Variants in MIEF1 observed in about 807,000 individuals in gnomAD.
The protein encoded by MIEF1 is mitochondrial elongation factor 1, also known as mitochondrial dynamics protein MIEF1.
MIEF1 carries 14 observed loss-of-function variants against 35.1 expected under a neutral mutation model. The observed-to-expected ratio is 0.40, with a 90% confidence interval of 0.26 to 0.62. The LOEUF (loss-of-function observed/expected upper bound fraction) is 0.62, where lower values mean the gene tolerates loss of function less well. MIEF1 is among the 20% of genes least tolerant of loss of function. The pLI is 0.43. For synonymous variants in MIEF1, 245 were observed against 254.3 expected, an observed-to-expected ratio of 0.96 and a Z score of 0.35; for missense variants, 542 against 615.4, an observed-to-expected ratio of 0.88 and a Z score of 1.26.
In MIEF1 at chr22:39,515,046, A is replaced by G. The variant is rs1930585942; in HGVS notation, c.*723A>G. 1.8e-6 allele frequency: 1 copy of G among 568,754 alleles called. No homozygotes were observed. Among genetic ancestry groups the G allele is most frequent in the Non-Finnish European group, 3.1e-6 (1 of 321,588 alleles). The allele number at this position is 568,754 out of a possible 1,614,324, so 35.2% of individuals were successfully genotyped here. A position where few individuals can be genotyped will look rare whatever the true frequency, so the allele number is the denominator to read the frequency against. ...TTGCAGGTTGAATTTCTTGGTGGCT[A>G]TTAGCAGAAGTGCAGAGTAGGGAAC... On this transcript the variant is annotated 3_prime_UTR_variant, in exon 6 of 6. Transcript: ENST00000325301.
At chr22:39,510,707 G>A (rs372757421) in intron 2 of MIEF1, among the ~76,000 whole-genome samples, 1 of 152,220 alleles carries the variant, frequency 6.6e-6, no homozygotes, top group Non-Finnish European at 1.5e-5. Flanking sequence ...AAAGGACGAA[G>A]AAATGACCTG....
chr22:39,515,520 G>A lies in MIEF1; in HGVS notation c.*1197G>A, dbSNP rs1930615986. 1 of 601,664 alleles carries A rather than the reference G, an allele frequency of 1.7e-6. No individual in the cohort carries two copies. The highest frequency in any genetic ancestry group is 2.0e-5 in the South Asian group (1 of 49,456). The allele number at this position is 601,664 out of a possible 1,614,324, so 37.3% of individuals were successfully genotyped here. ...TGCACGGACCTCTTCCCCCTGTCCT[G>A]TTTCTCACCCAGCACCTGGGGAGAT... is the stretch of plus-strand genomic sequence containing the variant. On this transcript the variant is annotated 3_prime_UTR_variant, in exon 6 of 6. Coordinates refer to ENST00000325301, the MANE Select transcript of MIEF1 (RefSeq NM_019008.6).
At chr22:39,511,209 T>G (rs902598481) in intron 2 of MIEF1, 79 bp from the exon 3 acceptor site, 1 of 1,584,732 alleles carries the variant, frequency 6.3e-7, no homozygotes, top group Admixed American at 1.8e-5. Context: ...TACCCTGTAC[T>G]TGTTGGGGTT....
Position 39,515,129 on chromosome 22 carries a change from G to A in MIEF1, c.*806G>A, listed in dbSNP as rs1448525721. 1.6e-6 allele frequency: 1 copy of A among 629,808 alleles called. No homozygotes were observed. The highest frequency in any genetic ancestry group is 2.9e-6 in the Non-Finnish European group (1 of 343,424). 39.0% of individuals were successfully genotyped at this position (629,808 alleles called of 1,614,324 possible). A position where few individuals can be genotyped will look rare whatever the true frequency, so the allele number is the denominator to read the frequency against. On this transcript the variant is annotated 3_prime_UTR_variant, in exon 6 of 6. Coordinates refer to ENST00000325301, the MANE Select transcript of MIEF1 (RefSeq NM_019008.6). ...TGTGCCCAGTGTCTGCTCGTCATCT[G>A]TGGCTGCAGGGGTCAGACAGACAAG... is the stretch of plus-strand genomic sequence containing the variant.
Position 39,514,034 on chromosome 22 carries a change from A to C in MIEF1, c.1103A>C (p.Lys368Thr). 6.2e-7 allele frequency: 1 copy of C among 1,613,816 alleles called. No individual in the cohort carries two copies. The highest frequency in any genetic ancestry group is 8.5e-7 in the Non-Finnish European group (1 of 1,180,034). The part of the protein sequence containing the change: ...GCRSLCLKIL[K>T]AICKSTPALG... ...CGATCTCTGTGCCTCAAGATCCTCAAGGCCATATGCAAGTCCACCCCGGCT... is the reference window on the plus strand; with the variant it reads ...CGATCTCTGTGCCTCAAGATCCTCACGGCCATATGCAAGTCCACCCCGGCT... Residue 368 changes from lysine to threonine, a missense_variant, in exon 6 of 6, where the codon AAG (lysine) becomes ACG (threonine). Physicochemically the swap from Lys to Thr is moderately conservative, Grantham distance 78 (BLOSUM62 -1). Transcript: ENST00000325301.
At chr22:39,506,270 A>G (rs541800273) in intron 2 of MIEF1, among the ~76,000 whole-genome samples, 95 of 152,286 alleles carry the variant, frequency 6.2e-4, no homozygotes, top group African/African-American at 2.1e-3. Flanking sequence ...GCAGCAGTGA[A>G]TGAGCCCAAA....
At position 39,513,720 on chromosome 22, in the gene MIEF1, A is replaced by T. The variant is rs1945935168; in HGVS notation, c.789A>T (p.Ala263=). 6.2e-7 allele frequency: 1 copy of T among 1,614,048 alleles called. No individual in the cohort carries two copies. The highest frequency in any genetic ancestry group is 1.7e-5 in the Admixed American group (1 of 60,008). ...VGGYLSPKTV[A]DTFEKVVAGS... is the part of the protein sequence containing the mutation. Reference sequence around the variant, plus strand: ...GCTACCTCTCTCCAAAGACAGTCGCAGATACATTTGAGAAGGTAGTGGCTG... The same window carrying T: ...GCTACCTCTCTCCAAAGACAGTCGCTGATACATTTGAGAAGGTAGTGGCTG... The change falls in exon 6 of 6, where the codon GCA becomes GCT. Residue 263 remains alanine (A), a synonymous_variant. Transcript: ENST00000325301.
In MIEF1 at chr22:39,511,522, G is replaced by A. The variant is rs547455274; in HGVS notation, c.144+84G>A. On this transcript the variant is annotated intron_variant, in intron 3 of 5. Coordinates refer to ENST00000325301, the MANE Select transcript of MIEF1 (RefSeq NM_019008.6). ...TGTTTTATAGAAAGAAAATGTCGAA[G>A]CGTTCTAGGAGGAAATGATCGCAAT... 158 of 1,445,444 alleles carry A rather than the reference G, an allele frequency of 1.1e-4. No individual in the cohort carries two copies. In the East Asian group the frequency reaches 3.9e-3, roughly 36 times the overall value. 89.5% of individuals were successfully genotyped at this position (1,445,444 alleles called of 1,614,324 possible).
chr22:39,510,341 C>T (rs1279938350), intron 2 of MIEF1, among the ~76,000 whole-genome samples: 3 of 152,146 alleles, frequency 2.0e-5, no homozygotes, highest in Non-Finnish European at 4.4e-5. Context: ...GATCATAGCT[C>T]ACTGTAGCCT....
intron 4 of MIEF1, 44 bp from the exon 5 acceptor site, chr22:39,512,188 A>G: frequency 6.3e-7 from 1 of 1,592,708 alleles, no homozygotes; most frequent in Non-Finnish European, 8.5e-7. Context: ...TGGACTGAGC[A>G]GGCATGGGCA....
intron 2 of MIEF1, among the ~76,000 whole-genome samples, chr22:39,506,525 G>A (rs574190783): frequency 6.6e-6 from 1 of 152,224 alleles, no homozygotes; most frequent in East Asian, 1.9e-4. Flanking sequence ...AGGATTGAGG[G>A]AATTAATAAT....
In MIEF1 at chr22:39,514,085, T is replaced by C; in HGVS notation, c.1154T>C (p.Leu385Pro). The change falls in exon 6 of 6, where the codon CTA becomes CCA. Residue 385 changes from leucine (L) to proline (P), a missense_variant. Leu to Pro is a moderately conservative substitution (Grantham distance 98, BLOSUM62 -3). Coordinates refer to ENST00000325301, the MANE Select transcript of MIEF1 (RefSeq NM_019008.6). ...CTGGGCCACCTCACTGCCAGCCAGC[T>C]AACCAATGTCATCCTCCACTTGGCC... ...PALGHLTASQLTNVILHLAQE... is the reference protein window; with the variant it reads ...PALGHLTASQPTNVILHLAQE... The C allele has an allele frequency of 6.2e-7, 1 of 1,614,200 alleles. No individual in the cohort carries two copies. The highest frequency in any genetic ancestry group is 8.5e-7 in the Non-Finnish European group (1 of 1,180,040).
chr22:39,511,457 G>C lies in MIEF1; in HGVS notation c.144+19G>C. On this transcript the variant is annotated intron_variant, in intron 3 of 5. Transcript: ENST00000325301. ...TAAGCGGGTAAGTGCATGCAGCCAG[G>C]GCTGGGGGTGGAATGTAGTGGTATG... is the stretch of plus-strand genomic sequence containing the variant. The C allele has an allele frequency of 1.3e-6, 2 of 1,535,392 alleles. No homozygotes were observed. Among genetic ancestry groups the C allele is most frequent in the South Asian group, 2.4e-5 (2 of 83,824 alleles).
Position 39,511,871 on chromosome 22 carries a change from C to G in MIEF1, c.167C>G (p.Ala56Gly). Residue 56 changes from alanine to glycine, a missense_variant, in exon 4 of 6, where the codon GCC becomes GGC. Ala to Gly is a moderately conservative substitution (Grantham distance 60). Coordinates refer to ENST00000325301, the MANE Select transcript of MIEF1 (RefSeq NM_019008.6). ...CAGATGTACGATCGGGCGATCAGTG[C>G]CCCTACCAGCCCCACCCGCCTGAGC... ...VKRMYDRAIS[A>G]PTSPTRLSHS... 1 of 1,613,770 alleles carries G rather than the reference C, an allele frequency of 6.2e-7. No individual in the cohort carries two copies. Among genetic ancestry groups the G allele is most frequent in the African/African-American group, 1.3e-5 (1 of 75,050 alleles).
At position 39,513,770 on chromosome 22, in the gene MIEF1, G is replaced by T; in HGVS notation, c.839G>T (p.Gly280Val). Residue 280 changes from glycine to valine, a missense_variant, in exon 6 of 6, where the codon GGG becomes GTG. By Grantham distance (109) the Gly-to-Val change is moderately radical. Coordinates refer to ENST00000325301, the MANE Select transcript of MIEF1 (RefSeq NM_019008.6). ...GGCTCCATCAATTGGCCAGCCATAGGGTCCCTCTTGGACTATGTGATCCGC... is the reference window on the plus strand; with the variant it reads ...GGCTCCATCAATTGGCCAGCCATAGTGTCCCTCTTGGACTATGTGATCCGC... ...VAGSINWPAI[G>V]SLLDYVIRPA... 1 of 1,614,122 alleles carries T rather than the reference G, an allele frequency of 6.2e-7. No homozygotes were observed. The highest frequency in any genetic ancestry group is 8.5e-7 in the Non-Finnish European group (1 of 1,180,024).
chr22:39,513,450 G>A (rs1321658644), intron 5 of MIEF1, 67 bp from the exon 6 acceptor site: 10 of 1,486,874 alleles, frequency 6.7e-6, no homozygotes, highest in South Asian at 2.5e-5. Flanking sequence ...GGTGGGAACC[G>A]TCTTAGAGGA....
rs201327045 is a variant in MIEF1 at position 39,511,878 on chromosome 22, C to T, written c.174C>T (p.Thr58=). 26 of 1,614,022 alleles carry T rather than the reference C, an allele frequency of 1.6e-5. No individual in the cohort carries two copies. Among genetic ancestry groups the T allele is most frequent in the African/African-American group, 5.3e-5 (4 of 75,050 alleles). The change falls in exon 4 of 6, where the codon ACC becomes ACT. Residue 58 remains threonine, a synonymous_variant. Transcript: ENST00000325301. ...RMYDRAISAP[T]SPTRLSHSGK... is the part of the protein sequence containing the mutation. ...ACGATCGGGCGATCAGTGCCCCTAC[C>T]AGCCCCACCCGCCTGAGCCATTCGG...
chr22:39,503,997 G>T, intron 1 of MIEF1: 1 of 373,078 alleles, frequency 2.7e-6, no homozygotes. Context: ...GCCAGGATTT[G>T]AGCCCTGGTG....
chr22:39,506,768 C>T (rs140939018), intron 2 of MIEF1, among the ~76,000 whole-genome samples: 34 of 152,346 alleles, frequency 2.2e-4, no homozygotes, highest in Admixed American at 7.8e-4. Context: ...TCTAGCGAGA[C>T]AGGTTAAATA....
Sources: allele counts gnomAD v4.1 joint callset (sites outside exome capture counted in the v4.1 genomes callset), GRCh38; gene constraint gnomAD v4.1.1; transcripts MANE v1.5; gene names NCBI Gene and HGNC (gene_info 2026-07-23, HGNC 2026-07-21).